VPS13C: variants seen among roughly 807,000 people sequenced by gnomAD.
The protein encoded by VPS13C is vacuolar protein sorting 13 homolog C.
Under a neutral mutation model 456.8 loss-of-function variants are expected in VPS13C, and 358 were observed. That is an observed-to-expected ratio of 0.78 (90% CI 0.72 to 0.86). The LOEUF (loss-of-function observed/expected upper bound fraction) is 0.86. VPS13C is among the 40% of genes least tolerant of loss of function. The probability of loss-of-function intolerance (pLI) is 0.00; values close to 1 mark genes in which losing one functional copy is unlikely to be tolerated. For synonymous variants in VPS13C, 1,578 were observed against 1,486.7 expected (o/e 1.06, Z -1.41); for missense variants, 4,818 against 4,385.4 (o/e 1.10, Z -2.79).
intron 49 of VPS13C, among the ~76,000 whole-genome samples, chr15:61,932,157 T>C (rs911011835): frequency 6.6e-6 from 1 of 152,136 alleles, no homozygotes; most frequent in African/African-American, 2.4e-5. Flanking sequence ...AGAGTATAAA[T>C]AGTAAAAGCT....
intron 74 of VPS13C, among the ~76,000 whole-genome samples, 184 bp downstream of exon 74, chr15:61,878,423 C>T (rs575387502): frequency 6.6e-6 from 1 of 151,876 alleles, no homozygotes; most frequent in East Asian, 1.9e-4. Flanking sequence ...AGACTCTACA[C>T]CTTATCATTA....
intron 3 of VPS13C, among the ~76,000 whole-genome samples, chr15:62,040,022 C>T (rs1423894469): frequency 1.3e-5 from 2 of 152,050 alleles, no homozygotes; most frequent in African/African-American, 4.8e-5. Context: ...GAGTACTATT[C>T]AGCCATAAAA....
chr15:61,991,327 G>A (rs28411845), intron 17 of VPS13C, among the ~76,000 whole-genome samples: 10,208 of 152,006 alleles, frequency 0.067, 674 homozygotes, highest in African/African-American at 0.17. Flanking sequence ...CTAATATATG[G>A]GTTTTAGAAT....
chr15:61,962,971 C>T, intron 32 of VPS13C, 119 bp from the exon 33 acceptor site: 1 of 642,842 alleles, frequency 1.6e-6, no homozygotes, highest in Non-Finnish European at 2.4e-6. Flanking sequence ...TTTCAACTCC[C>T]AATGGATAAA....
intron 45 of VPS13C, among the ~76,000 whole-genome samples, 163 bp from the exon 46 acceptor site, chr15:61,942,230 G>A (rs1447095410): frequency 6.6e-6 from 1 of 151,604 alleles, no homozygotes; most frequent in Non-Finnish European, 1.5e-5. Context: ...TACACTCTGA[G>A]CTATTAACAA....
chr15:61,911,761 A>G (rs1163468083), intron 63 of VPS13C, 79 bp downstream of exon 63: 1 of 1,201,412 alleles, frequency 8.3e-7, no homozygotes, highest in Non-Finnish European at 1.1e-6. Context: ...TCTGAAAAAG[A>G]GGTATATACA....
At chr15:62,001,753 G>C (rs892094203) in intron 15 of VPS13C, among the ~76,000 whole-genome samples, 1 of 152,142 alleles carries the variant, frequency 6.6e-6, no homozygotes, top group African/African-American at 2.4e-5. Flanking sequence ...CCACCCATGA[G>C]TGAGAATATG....
intron 37 of VPS13C, among the ~76,000 whole-genome samples, chr15:61,954,859 TA>T (rs1411297142): frequency 6.6e-6 from 1 of 152,142 alleles, no homozygotes; most frequent in Non-Finnish European, 1.5e-5. Context: ...AAGGATGTAT[TA>T]GAGGAGGTAT....
chr15:61,912,159 T>C (rs1378938980), intron 62 of VPS13C, among the ~76,000 whole-genome samples, 155 bp from the exon 63 acceptor site: 1 of 152,166 alleles, frequency 6.6e-6, no homozygotes, highest in Non-Finnish European at 1.5e-5. Flanking sequence ...GATTATCTTC[T>C]GAGAAAAAAA....
chr15:61,898,222 A>G (rs2042891203), intron 66 of VPS13C, among the ~76,000 whole-genome samples: 2 of 152,304 alleles, frequency 1.3e-5, no homozygotes, highest in Admixed American at 6.5e-5. Flanking sequence ...AGCTAACATC[A>G]TAATGACAGG....
At chr15:61,937,797 T>G (rs1030868667) in intron 47 of VPS13C, among the ~76,000 whole-genome samples, 2 of 152,152 alleles carry the variant, frequency 1.3e-5, no homozygotes, top group Non-Finnish European at 2.9e-5. Context: ...AATACCAACT[T>G]TCTCACAGAT....
At position 61,880,711 on chromosome 15, in the gene VPS13C, G is replaced by T; in HGVS notation, c.9900C>A (p.Ile3300=). Residue 3300 remains isoleucine, a synonymous_variant, in exon 73 of 85, where the codon ATC becomes ATA. Coordinates refer to ENST00000644861, the MANE Select transcript of VPS13C (RefSeq NM_020821.3). ...PEAERRRTKL[I]QQDIDALNAE... is the part of the protein sequence containing the mutation. ...CATTTAGAGCATCAATATCTTGTTG[G>T]ATTAACTTTGTCTGAAAAAAATAAA... The T allele has an allele frequency of 1.3e-6, 2 of 1,575,686 alleles. No homozygotes were observed. Among genetic ancestry groups the T allele is most frequent in the South Asian group, 2.4e-5 (2 of 83,058 alleles).
At chr15:61,963,792 A>G (rs1207586371) in intron 32 of VPS13C, 43 bp downstream of exon 32, 3 of 1,398,268 alleles carry the variant, frequency 2.1e-6, no homozygotes, top group Non-Finnish European at 3.0e-6. Context: ...AAGAAGGAAA[A>G]GTTTATCTTT....
At chr15:61,953,388 C>T (rs376822124) in intron 38 of VPS13C, among the ~76,000 whole-genome samples, 1 of 113,960 alleles carries the variant, frequency 8.8e-6, no homozygotes, top group East Asian at 3.2e-4. Context: ...ATCCCTCCCC[C>T]CTCCCCCGAC....
At chr15:62,048,072 T>G (rs969515901) in intron 1 of VPS13C, among the ~76,000 whole-genome samples, 12 of 151,234 alleles carry the variant, frequency 7.9e-5, no homozygotes, top group African/African-American at 1.2e-4. Context: ...TTTTTTGGTT[T>G]TTTTTTTTTT....
rs749890610 is a variant in VPS13C, at chr15:61,927,208, C to T, written c.6399G>A (p.Gln2133=). Residue 2133 remains glutamine, a synonymous_variant, in exon 52 of 85, where the codon CAG becomes CAA. Coordinates refer to ENST00000644861, the MANE Select transcript of VPS13C (RefSeq NM_020821.3). ...TGGATGTTGACAGAGAAAGGTTGCA[C>T]TGAAACGAGGCTGTCAGAGCAGGAG... The part of the protein sequence containing the change: ...ADAPALTASF[Q]CNLSLSTSKL... 1.4e-5 allele frequency: 23 copies of T among 1,614,168 alleles called. No homozygotes were observed. Among genetic ancestry groups the T allele is most frequent in the Non-Finnish European group, 1.9e-5 (23 of 1,180,018 alleles).
chr15:62,028,401 G>A lies in VPS13C; in HGVS notation c.405C>T (p.Phe135=), dbSNP rs1478172880. The A allele has an allele frequency of 1.2e-6, 2 of 1,612,944 alleles. No individual in the cohort carries two copies. Among genetic ancestry groups the A allele is most frequent in the South Asian group, 1.1e-5 (1 of 91,034 alleles). ...AAEKGTHSGE[F]IYGLENFVYK... ...AAACAAAGTTCTCCAAGCCATATAT[G>A]AACTCCCCTGAATGTGTGCCTGCAT... Residue 135 remains phenylalanine (F), a synonymous_variant, in exon 6 of 85, where the codon TTC becomes TTT. Coordinates refer to ENST00000644861, the MANE Select transcript of VPS13C (RefSeq NM_020821.3).
intron 9 of VPS13C, among the ~76,000 whole-genome samples, chr15:62,019,052 T>C (rs978227257): frequency 6.6e-6 from 1 of 152,220 alleles, no homozygotes; most frequent in Admixed American, 6.5e-5. Context: ...CCATTTCTTC[T>C]AGATTTTCTA....
intron 67 of VPS13C, among the ~76,000 whole-genome samples, chr15:61,886,618 A>T (rs1400349153): frequency 6.6e-6 from 1 of 152,174 alleles, no homozygotes; most frequent in East Asian, 1.9e-4. Context: ...ACAAAACATT[A>T]TTTATGGGAA....
Sources: gnomAD v4.1 joint callset for allele counts (sites outside exome capture counted in the v4.1 genomes callset) on GRCh38, gnomAD v4.1.1 for gene constraint, MANE v1.5 for transcripts, NCBI Gene and HGNC (gene_info 2026-07-23, HGNC 2026-07-21) for gene names.